PELI1: variants seen among roughly 807,000 people sequenced by gnomAD.
PELI1 encodes E3 ubiquitin-protein ligase pellino homolog 1.
Under a neutral mutation model 41.3 loss-of-function variants are expected in PELI1, and 15 were observed. The ratio of observed to expected loss-of-function variants is 0.36; its 90% CI spans 0.24 to 0.56. The LOEUF is 0.56. Ranked by LOEUF, PELI1 falls within the 20% of genes least tolerant of loss-of-function variation. PELI1 has a pLI of 0.82. For synonymous variants in PELI1, 178 were observed against 180.1 expected (o/e 0.99, Z 0.09); for missense variants, 403 against 525.5 (o/e 0.77, Z 2.28).
intron 1 of PELI1, among the ~76,000 whole-genome samples, chr2:64,109,547 G>A (rs1406142925): frequency 6.6e-6 from 1 of 152,120 alleles, no homozygotes; most frequent in African/African-American, 2.4e-5. Flanking sequence ...GGGCGTGGTG[G>A]CACATGCCTG....
At chr2:64,127,126 G>A (rs377616478) in intron 1 of PELI1, among the ~76,000 whole-genome samples, 5 of 152,202 alleles carry the variant, frequency 3.3e-5, no homozygotes, top group African/African-American at 1.2e-4. Context: ...TTCCCTTAAC[G>A]CCTATTAATT....
chr2:64,129,032 A>T (rs1231979824), intron 1 of PELI1, among the ~76,000 whole-genome samples: 17 of 152,210 alleles, frequency 1.1e-4, no homozygotes, highest in Non-Finnish European at 5.9e-5. Context: ...ACTATCTACA[A>T]GGACAAATAG....
intron 3 of PELI1, among the ~76,000 whole-genome samples, chr2:64,102,190 GT>G: frequency 6.6e-6 from 1 of 152,104 alleles, no homozygotes; most frequent in South Asian, 2.1e-4. Context: ...GTCTCTCCCA[GT>G]TCCCTTTTCT....
rs368871090 is a variant in PELI1 at position 64,096,617 on chromosome 2, G to GA, written c.304-8dup. ...TTTCAGTCGACCGGCCAATCTGAGG[G>GA]AAAAAAAAAAATACCTATAAACCCA... On this transcript the variant is annotated splice_polypyrimidine_tract_variant and splice_region_variant and intron_variant, in intron 4 of 6. Transcript: ENST00000358912. 0.013 allele frequency: 15,954 copies of GA among 1,272,178 alleles called. 1 individual carries two copies. The highest frequency in any genetic ancestry group is 0.019 in the African/African-American group (1,269 of 66,000). 78.8% of individuals were successfully genotyped at this position (1,272,178 alleles called of 1,614,324 possible). A position where few individuals can be genotyped will look rare whatever the true frequency, so the allele number is the denominator to read the frequency against.
At position 64,136,233 on chromosome 2, in the gene PELI1, T is replaced by C. The variant is rs562087815; in HGVS notation, c.-70+7848A>G. On this transcript the variant is annotated intron_variant, in intron 1 of 6. Transcript: ENST00000358912. ...ATGAATCAAAGGTTTTAAAAGACTT[T>C]CAGAGTTAATGGAAAGCCCAGGAAT... Among the ~76,000 whole-genome samples, 14 of 152,294 alleles carry C rather than the reference T, an allele frequency of 9.2e-5. No homozygotes were observed. The South Asian group carries it at 2.7e-3, about 29-fold the overall frequency.
rs947541938 is a variant in PELI1 at position 64,093,525 on chromosome 2, C to A, written c.*1177G>T. On this transcript the variant is annotated 3_prime_UTR_variant, in exon 7 of 7. Coordinates refer to ENST00000358912, the MANE Select transcript of PELI1 (RefSeq NM_020651.4). Reference sequence around the variant, plus strand: ...TATTGGAATTAGAGAATAAACAGACCATGCAGTGCGTCACTCCACGCTGCA... The same window carrying A: ...TATTGGAATTAGAGAATAAACAGACAATGCAGTGCGTCACTCCACGCTGCA... 1 of 152,556 alleles carries A rather than the reference C, an allele frequency of 6.6e-6. No individual in the cohort carries two copies. 9.5% of individuals were successfully genotyped at this position (152,556 alleles called of 1,614,324 possible).
intron 6 of PELI1, among the ~76,000 whole-genome samples, chr2:64,095,876 C>G (rs1299370458): frequency 6.6e-6 from 1 of 152,202 alleles, no homozygotes; most frequent in African/African-American, 2.4e-5. Context: ...CTCCTGATCT[C>G]AGGTGATCCA....
intron 1 of PELI1, among the ~76,000 whole-genome samples, chr2:64,110,097 T>C (rs1430011201): frequency 6.6e-6 from 1 of 151,722 alleles, no homozygotes; most frequent in Non-Finnish European, 1.5e-5. Flanking sequence ...ATACAAAAAT[T>C]AGCCAGGCAT....
chr2:64,113,172 T>G, intron 1 of PELI1, among the ~76,000 whole-genome samples: 1 of 151,722 alleles, frequency 6.6e-6, no homozygotes. Context: ...TGTCATGGCA[T>G]GCACCTATAG....
At chr2:64,118,689 C>T (rs1490362709) in intron 1 of PELI1, among the ~76,000 whole-genome samples, 1 of 152,130 alleles carries the variant, frequency 6.6e-6, no homozygotes, top group Non-Finnish European at 1.5e-5. Flanking sequence ...TACTTAAAAT[C>T]TCTACAAAGT....
chr2:64,100,986 T>C (rs932661437), intron 3 of PELI1, among the ~76,000 whole-genome samples: 1 of 152,154 alleles, frequency 6.6e-6, no homozygotes, highest in African/African-American at 2.4e-5. Context: ...TGCCTCAGCC[T>C]CCCAAAGTGC....
intron 1 of PELI1, among the ~76,000 whole-genome samples, chr2:64,142,003 G>C (rs1681929057): frequency 6.6e-6 from 1 of 152,134 alleles, no homozygotes; most frequent in Non-Finnish European, 1.5e-5. Flanking sequence ...CCAATCTTAA[G>C]GAAAGAATGG....
chr2:64,103,076 C>T (rs1680499918), intron 3 of PELI1, among the ~76,000 whole-genome samples: 1 of 152,036 alleles, frequency 6.6e-6, no homozygotes, highest in African/African-American at 2.4e-5. Context: ...CTCCCGAGCT[C>T]AAGTGATCCG....
At chr2:64,107,884 G>A (rs1163950713) in intron 2 of PELI1, among the ~76,000 whole-genome samples, 1 of 152,114 alleles carries the variant, frequency 6.6e-6, no homozygotes, top group Non-Finnish European at 1.5e-5. Context: ...CACCATGTTG[G>A]CCAGGCTGGT....
At position 64,094,926 on chromosome 2, in the gene PELI1, G is replaced by C. The variant is rs771336356; in HGVS notation, c.1033C>G (p.Leu345Val). 2 of 1,612,916 alleles carry C rather than the reference G, an allele frequency of 1.2e-6. No individual in the cohort carries two copies. Among genetic ancestry groups the C allele is most frequent in the Non-Finnish European group, 1.7e-6 (2 of 1,179,570 alleles). ...MCRSVGPYVP[L>V]WLGCEAGFYV... is the part of the protein sequence containing the mutation. ...AATCCAGCTTCACATCCAAGCCACAGAGGAACATAGGGACCAACAGACCTA... is the reference window on the plus strand; with the variant it reads ...AATCCAGCTTCACATCCAAGCCACACAGGAACATAGGGACCAACAGACCTA... Residue 345 changes from leucine to valine, a missense_variant, in exon 7 of 7, where the codon CTG becomes GTG. Leu to Val is a conservative substitution (Grantham distance 32). Coordinates refer to ENST00000358912, the MANE Select transcript of PELI1 (RefSeq NM_020651.4).
At chr2:64,121,587 A>G (rs978781776) in intron 1 of PELI1, among the ~76,000 whole-genome samples, 10 of 152,214 alleles carry the variant, frequency 6.6e-5, no homozygotes, top group Non-Finnish European at 1.5e-4. Flanking sequence ...GACATTAAAG[A>G]TAAAATCTCC....
chr2:64,096,160 G>A lies in PELI1; in HGVS notation c.655C>T (p.Arg219Cys), dbSNP rs370334910. Reference sequence around the variant, plus strand: ...CTCTGCTGAGCCGATCTGGTTTCACGTAGGCTAAATACATTTCCACACACC... The same window carrying A: ...CTCTGCTGAGCCGATCTGGTTTCACATAGGCTAAATACATTTCCACACACC... The part of the protein sequence containing the change: ...ISVCGNVFSL[R>C]ETRSAQQRGK... The change falls in exon 6 of 7, where the codon CGT (arginine) becomes TGT (cysteine). Residue 219 changes from arginine (R) to cysteine (C), a missense_variant. Transcript: ENST00000358912. 1.9e-6 allele frequency: 3 copies of A among 1,613,768 alleles called. No homozygotes were observed. The highest frequency in any genetic ancestry group is 1.3e-5 in the African/African-American group (1 of 74,888).
At position 64,135,254 on chromosome 2, in the gene PELI1, A is replaced by C. The variant is rs910475868; in HGVS notation, c.-70+8827T>G. The stretch of plus-strand genomic sequence containing the variant: ...TCTGGATGGATGCAGGATTAACTCA[A>C]TGAGTTTGAGTTTAAACTCAAACTG... On this transcript the variant is annotated intron_variant, in intron 1 of 6. Transcript: ENST00000358912. 5.3e-5 allele frequency among the ~76,000 whole-genome samples: 8 copies of C among 152,238 alleles called. No individual in the cohort carries two copies. In the East Asian group the frequency reaches 1.5e-3, roughly 29 times the overall value.
chr2:64,105,452 C>A (rs1235384022), intron 2 of PELI1, among the ~76,000 whole-genome samples: 1 of 152,202 alleles, frequency 6.6e-6, no homozygotes, highest in Non-Finnish European at 1.5e-5. Context: ...CACACACACA[C>A]ACATATACAT....
Sources: allele counts gnomAD v4.1 joint callset (sites outside exome capture counted in the v4.1 genomes callset), GRCh38; gene constraint gnomAD v4.1.1; transcripts MANE v1.5; gene names NCBI Gene and HGNC (gene_info 2026-07-23, HGNC 2026-07-21).